CLTCL1: variants seen among roughly 807,000 people sequenced by gnomAD.
The protein encoded by CLTCL1 is clathrin heavy chain like 1, also known as clathrin heavy chain 2.
CLTCL1 carries 159 observed loss-of-function variants against 190.0 expected under a neutral mutation model. That is an observed-to-expected ratio of 0.84 (90% CI 0.74 to 0.95). CLTCL1 has a LOEUF of 0.95. Ranked by LOEUF, CLTCL1 falls within the 40% of genes least tolerant of loss-of-function variation. CLTCL1 has a pLI of 0.00. For missense variants in CLTCL1, 1,878 were observed against 2,033.4 expected, an observed-to-expected ratio of 0.92 and a Z score of 1.47; for synonymous variants, 752 against 769.6, an observed-to-expected ratio of 0.98 and a Z score of 0.38.
chr22:19,257,744 A>AG, intron 2 of CLTCL1: 1 of 1,314,952 alleles, frequency 7.6e-7, no homozygotes, highest in Non-Finnish European at 1.0e-6. Flanking sequence ...TGGCAGGAAT[A>AG]GGGGGCATCT....
At position 19,220,021 on chromosome 22, in the gene CLTCL1, A is replaced by T; in HGVS notation, c.2797-14T>A. The T allele has an allele frequency of 1.9e-6, 3 of 1,613,780 alleles. No individual in the cohort carries two copies. The highest frequency in any genetic ancestry group is 2.5e-6 in the Non-Finnish European group (3 of 1,179,864). Reference sequence around the variant, plus strand: ...CTCATTGCACACCTGAAATGAGCACACTCATGTGTGTGACACAGCAGCCAA... The same window carrying T: ...CTCATTGCACACCTGAAATGAGCACTCTCATGTGTGTGACACAGCAGCCAA... On this transcript the variant is annotated splice_polypyrimidine_tract_variant and intron_variant, in intron 17 of 32. Transcript: ENST00000427926.
rs1009986987 is a variant in CLTCL1, at chr22:19,221,556, G to T, written c.2617C>A (p.Pro873Thr). 4.4e-6 allele frequency: 7 copies of T among 1,603,186 alleles called. No homozygotes were observed. The highest frequency in any genetic ancestry group is 5.1e-6 in the Non-Finnish European group (6 of 1,174,866). The change falls in exon 17 of 33, where the codon CCT (proline) becomes ACT (threonine). Residue 873 changes from proline (P) to threonine (T), a missense_variant. Pro to Thr is a conservative substitution (Grantham distance 38, BLOSUM62 -1). Coordinates refer to ENST00000427926, the MANE Select transcript of CLTCL1 (RefSeq NM_007098.4). The stretch of plus-strand genomic sequence containing the variant: ...TTAGCCAGTGCATTGTGAGTGGCAG[G>T]CTCCTCACAGCCTTCCTGAATCTGG... ...ESQIQEGCEEPATHNALAKIY... is the reference protein window; with the variant it reads ...ESQIQEGCEETATHNALAKIY...
intron 10 of CLTCL1, among the ~76,000 whole-genome samples, chr22:19,231,429 T>C (rs907766205): frequency 5.9e-5 from 9 of 152,162 alleles, no homozygotes; most frequent in Non-Finnish European, 2.9e-5. Flanking sequence ...GGTCTCACTA[T>C]GTTGCCCAGG....
rs782337091 is a variant in CLTCL1, at chr22:19,235,856, T to G, written c.809A>C (p.His270Pro). 12 of 1,613,364 alleles carry G rather than the reference T, an allele frequency of 7.4e-6. No homozygotes were observed. In the Admixed American group the frequency reaches 8.3e-5, roughly 11 times the overall value. The part of the protein sequence containing the change: ...FPVAMQIGAK[H>P]GVIYLITKYG... The stretch of plus-strand genomic sequence containing the variant: ...CTTTGTGATCAAGTAAATAACACCA[T>G]GTTTAGCTCCAATCTATAAGAAGAC... The change falls in exon 6 of 33, where the codon CAT becomes CCT. Residue 270 changes from histidine to proline, a missense_variant. Coordinates refer to ENST00000427926, the MANE Select transcript of CLTCL1 (RefSeq NM_007098.4).
In CLTCL1 at chr22:19,221,989, A is replaced by G. The variant is rs1426742307; in HGVS notation, c.2523T>C (p.Ser841=). Residue 841 remains serine (S), a synonymous_variant, in exon 16 of 33, where the codon TCT becomes TCC. Coordinates refer to ENST00000427926, the MANE Select transcript of CLTCL1 (RefSeq NM_007098.4). Reference sequence around the variant, plus strand: ...CTACTTCAGCCACCAACTCATCAGTAGAGAACTGTCCTCTCACTGCCATGA... The same window carrying G: ...CTACTTCAGCCACCAACTCATCAGTGGAGAACTGTCCTCTCACTGCCATGA... ...HLIMAVRGQF[S]TDELVAEVEK... is the part of the protein sequence containing the mutation. The G allele has an allele frequency of 8.1e-6, 13 of 1,614,038 alleles. No homozygotes were observed. The highest frequency in any genetic ancestry group is 1.1e-5 in the Non-Finnish European group (13 of 1,179,886).
At chr22:19,227,079 T>G (rs1027827233) in intron 11 of CLTCL1, among the ~76,000 whole-genome samples, 5 of 151,926 alleles carry the variant, frequency 3.3e-5, no homozygotes, top group African/African-American at 9.7e-5. Flanking sequence ...AAGATCAATG[T>G]GAGGGCTCAA....
intron 1 of CLTCL1, among the ~76,000 whole-genome samples, chr22:19,289,076 C>T (rs962902806): frequency 3.9e-5 from 6 of 152,170 alleles, no homozygotes; most frequent in Non-Finnish European, 5.9e-5. Flanking sequence ...CTCTGCCTCC[C>T]GGGTTCAAGA....
intron 17 of CLTCL1, among the ~76,000 whole-genome samples, 182 bp from the exon 18 acceptor site, chr22:19,220,189 A>C (rs1265101285): frequency 6.6e-6 from 1 of 152,156 alleles, no homozygotes; most frequent in African/African-American, 2.4e-5. Context: ...GATGGACTCA[A>C]ACTACCTCAA....
chr22:19,218,685 T>G lies in CLTCL1; in HGVS notation c.2919+1200A>C, dbSNP rs573172086. Reference sequence around the variant, plus strand: ...TTGCCCCACCCCTAAACAGTCTGCCTAGCACCTAGGGACAGTGCTGAGGGC... The same window carrying G: ...TTGCCCCACCCCTAAACAGTCTGCCGAGCACCTAGGGACAGTGCTGAGGGC... On this transcript the variant is annotated intron_variant, in intron 18 of 32. Coordinates refer to ENST00000427926, the MANE Select transcript of CLTCL1 (RefSeq NM_007098.4). 1.5e-3 allele frequency among the ~76,000 whole-genome samples: 227 copies of G among 152,326 alleles called. 1 individual carries two copies. The highest frequency in any genetic ancestry group is 2.9e-3 in the Non-Finnish European group (194 of 68,020).
At chr22:19,255,273 T>G (rs1185931927) in intron 2 of CLTCL1, among the ~76,000 whole-genome samples, 1 of 152,056 alleles carries the variant, frequency 6.6e-6, no homozygotes, top group Non-Finnish European at 1.5e-5. Flanking sequence ...CTACAAAAAT[T>G]TCAATTGGGC....
At chr22:19,269,014 C>T (rs2087213071) in intron 2 of CLTCL1, among the ~76,000 whole-genome samples, 1 of 144,624 alleles carries the variant, frequency 6.9e-6, no homozygotes, top group African/African-American at 2.6e-5. Context: ...TGCTTGAACC[C>T]AGGAGGCAGA....
intron 17 of CLTCL1, among the ~76,000 whole-genome samples, chr22:19,220,982 G>A (rs562393447): frequency 7.2e-5 from 11 of 152,250 alleles, no homozygotes; most frequent in Middle Eastern, 3.4e-3. Context: ...AAGGGTACTC[G>A]GGACATGAGG....
chr22:19,196,371 C>T lies in CLTCL1; in HGVS notation c.4086G>A (p.Val1362=), dbSNP rs782699047. 3 of 1,614,064 alleles carry T rather than the reference C, an allele frequency of 1.9e-6. No homozygotes were observed. The highest frequency in any genetic ancestry group is 3.3e-5 in the Admixed American group (2 of 60,036). The part of the protein sequence containing the change: ...AEQAHLWAEL[V]FLYDKYEEYD... ...ACTCCTCGTACTTGTCATAGAGGAA[C>T]ACCAGCTCAGCCCACAGGTGTGCCT... The change falls in exon 26 of 33, where the codon GTG becomes GTA. Residue 1362 remains valine, a synonymous_variant. Transcript: ENST00000427926.
chr22:19,239,158 G>A (rs1288964901), intron 5 of CLTCL1, 117 bp downstream of exon 5: 1 of 803,342 alleles, frequency 1.2e-6, no homozygotes, highest in Non-Finnish European at 2.1e-6. Context: ...GGGTTTGAAA[G>A]CATCACAGTG....
At chr22:19,218,184 C>A (rs573416115) in intron 18 of CLTCL1, among the ~76,000 whole-genome samples, 1 of 152,216 alleles carries the variant, frequency 6.6e-6, no homozygotes, top group South Asian at 2.1e-4. Flanking sequence ...GACAAGAGGC[C>A]CCCGCTGGCT....
chr22:19,239,948 CTTT>C (rs34417269), intron 4 of CLTCL1, among the ~76,000 whole-genome samples: 5 of 137,220 alleles, frequency 3.6e-5, no homozygotes, highest in Non-Finnish European at 4.7e-5. Context: ...TCTTTTTCTT[CTTT>C]TTTTTTTTTT....
rs190950286 is a variant in CLTCL1, at chr22:19,253,965, C to T, written c.513G>A (p.Ser171=). 5.6e-3 allele frequency: 8,964 copies of T among 1,611,970 alleles called. 37 individuals carry two copies. Among genetic ancestry groups the T allele is most frequent in the Middle Eastern group, 0.013 (77 of 6,060 alleles). ...YQKWLLLVGI[S]AQQNRVVGAM... ...AAGGCAGCTCAAGGCTTACCTGAGCCGAGATGCCTACGAGCAGCAGCCACT... is the reference window on the plus strand; with the variant it reads ...AAGGCAGCTCAAGGCTTACCTGAGCTGAGATGCCTACGAGCAGCAGCCACT... The change falls in exon 3 of 33, where the codon TCG becomes TCA. Residue 171 remains serine, a synonymous_variant. Transcript: ENST00000427926.
At chr22:19,231,552 G>T (rs2085918842) in intron 10 of CLTCL1, among the ~76,000 whole-genome samples, 1 of 152,014 alleles carries the variant, frequency 6.6e-6, no homozygotes, top group Admixed American at 6.6e-5. Context: ...ATATTATTGG[G>T]GCACAACTGG....
chr22:19,190,596 C>CAAAAAAAAAAAAAAAAAAA (rs55780206), intron 27 of CLTCL1, among the ~76,000 whole-genome samples: 25 of 72,818 alleles, frequency 3.4e-4, no homozygotes, highest in East Asian at 8.7e-4. Flanking sequence ...AAGACTGTCT[C>CAAAAAAAAAAAAAAAAAAA]AAAAAAAAAA....
Sources: allele counts gnomAD v4.1 joint callset (sites outside exome capture counted in the v4.1 genomes callset), GRCh38; gene constraint gnomAD v4.1.1; transcripts MANE v1.5; gene names NCBI Gene and HGNC (gene_info 2026-07-23, HGNC 2026-07-21).